The following SUV39H1 variants were observed in gnomAD, a reference collection of about 807,000 sequenced individuals.
The protein encoded by SUV39H1 is histone-lysine N-methyltransferase SUV39H1.
For synonymous variants in SUV39H1, 141 were observed against 150.5 expected (o/e 0.94, Z 0.46); for missense variants, 180 against 386.3 (o/e 0.47, Z 4.48).
intron 3 of SUV39H1, among the ~76,000 whole-genome samples, chrX:48,703,554 G>T (rs2062481672): frequency 8.9e-6 from 1 of 112,055 alleles, no homozygotes; most frequent in African/African-American, 3.2e-5. Flanking sequence ...GACAATGCCA[G>T]CCTATTTTAT....
At chrX:48,707,401 C>G (rs1557010331) in intron 5 of SUV39H1, 36 bp from the exon 6 acceptor site, 3 of 1,166,265 alleles carry the variant, frequency 2.6e-6, no homozygotes, top group Non-Finnish European at 3.5e-6. Context: ...CTCCCTGCCT[C>G]CTTCCCTCCT....
At chrX:48,702,897 C>T (rs1241139677) in intron 3 of SUV39H1, among the ~76,000 whole-genome samples, 3 of 111,563 alleles carry the variant, frequency 2.7e-5, no homozygotes, top group African/African-American at 9.8e-5. Flanking sequence ...CTCATCTTCC[C>T]GCATTCCCCT....
Position 48,706,639 on chromosome X carries a change from A to G in SUV39H1, c.1105+12A>G. ...TTACAACATGCAAGGTGGGGGTGGC[A>G]AGGGACTGGGGGCAGGGGCGCACTG... On this transcript the variant is annotated intron_variant, in intron 5 of 5. Transcript: ENST00000376687. 1 of 1,197,501 alleles carries G rather than the reference A, an allele frequency of 8.4e-7. No individual in the cohort carries two copies. Among genetic ancestry groups the G allele is most frequent in the Non-Finnish European group, 1.1e-6 (1 of 886,847 alleles).
In SUV39H1 at chrX:48,707,729, T is replaced by C. The variant is rs1299247376; in HGVS notation, c.*159T>C. Reference sequence around the variant, plus strand: ...TCTACGTTCAGGGCTGTGGCCGTGGTGAGGACCGACTCCAGGAGTCCCCTT... The same window carrying C: ...TCTACGTTCAGGGCTGTGGCCGTGGCGAGGACCGACTCCAGGAGTCCCCTT... On this transcript the variant is annotated 3_prime_UTR_variant, in exon 6 of 6. Coordinates refer to ENST00000376687, the MANE Select transcript of SUV39H1 (RefSeq NM_003173.4). 1.5e-6 allele frequency: 1 copy of C among 674,638 alleles called. No homozygotes were observed. Among genetic ancestry groups the C allele is most frequent in the Non-Finnish European group, 2.3e-6 (1 of 436,869 alleles). The allele number at this position is 674,638 out of a possible 1,213,427, so 55.6% of individuals were successfully genotyped here. A position where few individuals can be genotyped will look rare whatever the true frequency, so the allele number is the denominator to read the frequency against.
chrX:48,699,792 G>A (rs979404702), intron 2 of SUV39H1, among the ~76,000 whole-genome samples: 1 of 111,065 alleles, frequency 9.0e-6, no homozygotes, highest in Admixed American at 9.6e-5. Context: ...CAGGAGTTCC[G>A]GTCTGAACAG....
At chrX:48,697,437 TGA>T (rs1228935093) in intron 1 of SUV39H1, among the ~76,000 whole-genome samples, 2 of 111,574 alleles carry the variant, frequency 1.8e-5, no homozygotes, top group East Asian at 5.7e-4. Flanking sequence ...GGAGGACCTC[TGA>T]GGGGTTCAGG....
In SUV39H1 at chrX:48,707,524, T is replaced by C. The variant is rs199913560; in HGVS notation, c.1193T>C (p.Ile398Thr). 1.7e-6 allele frequency: 2 copies of C among 1,211,842 alleles called. No homozygotes were observed. Among genetic ancestry groups the C allele is most frequent in the Non-Finnish European group, 2.2e-6 (2 of 895,472 alleles). Residue 398 changes from isoleucine to threonine, a missense_variant, in exon 6 of 6, where the codon ATT becomes ACT. Physicochemically the swap from Ile to Thr is moderately conservative, Grantham distance 89. Transcript: ENST00000376687. ...GGCTCCCCTAAGAAGCGGGTCCGTA[T>C]TGAATGCAAGTGTGGGACTGAGTCC... is the stretch of plus-strand genomic sequence containing the variant. ...LPGSPKKRVRIECKCGTESCR... is the reference protein window; with the variant it reads ...LPGSPKKRVRTECKCGTESCR...
In SUV39H1 at chrX:48,698,955, C is replaced by G; in HGVS notation, c.73C>G (p.Leu25Val). 1 of 1,210,540 alleles carries G rather than the reference C, an allele frequency of 8.3e-7. No individual in the cohort carries two copies. Among genetic ancestry groups the G allele is most frequent in the Non-Finnish European group, 1.1e-6 (1 of 894,872 alleles). Reference protein sequence around the residue: ...SWNQLQDLCRLAKLSCPALGI... With the variant: ...SWNQLQDLCRVAKLSCPALGI... ...GAATCAGCTGCAGGACCTGTGCCGC[C>G]TGGCCAAGCTCTCCTGCCCTGCCCT... The change falls in exon 2 of 6, where the codon CTG becomes GTG. Residue 25 changes from leucine (L) to valine (V), a missense_variant. Transcript: ENST00000376687.
chrX:48,695,583 G>A, upstream of SUV39H1: 1 of 1,079,236 alleles, frequency 9.3e-7, no homozygotes, highest in Non-Finnish European at 1.2e-6. Flanking sequence ...TCGAATCACA[G>A]CATGCTGGAG....
At chrX:48,700,028 T>C (rs782190908) in intron 2 of SUV39H1, 63 bp from the exon 3 acceptor site, 94 of 1,026,131 alleles carry the variant, frequency 9.2e-5, no homozygotes, top group Non-Finnish European at 1.2e-4. Flanking sequence ...GGAAGCCCCA[T>C]GAAGGCTGGC....
chrX:48,702,418 C>G (rs1287171290), intron 3 of SUV39H1, among the ~76,000 whole-genome samples: 6 of 111,508 alleles, frequency 5.4e-5, no homozygotes, highest in Admixed American at 9.4e-5. Flanking sequence ...GAGATCTAGT[C>G]TACACCCAAG....
At chrX:48,696,513 C>CACG (rs2062455585), upstream of SUV39H1, 8 of 288,744 alleles carry the variant, frequency 2.8e-5, no homozygotes, top group Non-Finnish European at 4.3e-5. Context: ...CAGACCAGCG[C>CACG]ACGGGCAGGG....
upstream of SUV39H1, chrX:48,695,949 CG>C: frequency 9.0e-7 from 1 of 1,115,478 alleles, no homozygotes; most frequent in Non-Finnish European, 1.2e-6. Flanking sequence ...TGTGACTGAT[CG>C]TGGTGTGAAT....
chrX:48,702,173 A>G (rs1350360817), intron 3 of SUV39H1, among the ~76,000 whole-genome samples: 1 of 112,095 alleles, frequency 8.9e-6, no homozygotes, highest in East Asian at 2.8e-4. Flanking sequence ...GGCCATCTGG[A>G]AGGAGGAGGT....
chrX:48,696,307 G>T (rs782772641), upstream of SUV39H1, among the ~76,000 whole-genome samples: 70 of 112,567 alleles, frequency 6.2e-4, no homozygotes, highest in African/African-American at 2.1e-3. Flanking sequence ...GTGGATGGGG[G>T]CCGGGAGTCT....
intron 1 of SUV39H1, among the ~76,000 whole-genome samples, chrX:48,697,008 C>G (rs782111875): frequency 4.9e-4 from 53 of 108,795 alleles, no homozygotes; most frequent in African/African-American, 1.5e-3. Context: ...CCTCGGAACG[C>G]AGCGGGCCTG....
intron 1 of SUV39H1, among the ~76,000 whole-genome samples, chrX:48,698,497 C>T (rs782000096): frequency 4.5e-5 from 5 of 111,549 alleles, no homozygotes; most frequent in South Asian, 3.8e-4. Context: ...TCCTCCCATC[C>T]GCCCCACCTC....
upstream of SUV39H1, chrX:48,695,574 C>G: frequency 9.3e-7 from 1 of 1,074,701 alleles, no homozygotes; most frequent in Non-Finnish European, 1.2e-6. Flanking sequence ...CCACGCTGCT[C>G]GAATCACAGC....
At position 48,707,573 on chromosome X, in the gene SUV39H1, C is replaced by A; in HGVS notation, c.*3C>A. 2 of 1,211,279 alleles carry A rather than the reference C, an allele frequency of 1.7e-6. No individual in the cohort carries two copies. The highest frequency in any genetic ancestry group is 2.2e-6 in the Non-Finnish European group (2 of 895,104). On this transcript the variant is annotated 3_prime_UTR_variant, in exon 6 of 6. Coordinates refer to ENST00000376687, the MANE Select transcript of SUV39H1 (RefSeq NM_003173.4). Reference sequence around the variant, plus strand: ...CCTGCCGCAAATACCTCTTCTAGCCCTTAGAAGTCTGAGGCCAGACTGACT... The same window carrying A: ...CCTGCCGCAAATACCTCTTCTAGCCATTAGAAGTCTGAGGCCAGACTGACT...
Sources: gnomAD v4.1 joint callset for allele counts (sites outside exome capture counted in the v4.1 genomes callset) on GRCh38, gnomAD v4.1.1 for gene constraint, MANE v1.5 for transcripts, NCBI Gene and HGNC (gene_info 2026-07-23, HGNC 2026-07-21) for gene names.